DNAH11: variants seen among roughly 807,000 people sequenced by gnomAD.
DNAH11 encodes axonemal beta dynein heavy chain 11.
DNAH11 carries 442 observed loss-of-function variants against 526.0 expected under a neutral mutation model. That is an observed-to-expected ratio of 0.84 (90% confidence interval 0.78 to 0.91). The LOEUF is 0.91. Among genes scored for constraint, DNAH11 ranks in the 40% least tolerant of loss-of-function variants. The probability of loss-of-function intolerance (pLI) is 0.00; values close to 1 mark genes in which losing one functional copy is unlikely to be tolerated. For missense variants in DNAH11, 6,989 were observed against 5,448.7 expected, an observed-to-expected ratio of 1.28 and a Z score of -8.90; for synonymous variants, 2,461 against 1,935.9, an observed-to-expected ratio of 1.27 and a Z score of -7.12.
intron 46 of DNAH11, among the ~76,000 whole-genome samples, chr7:21,738,452 T>C (rs1479650336): frequency 6.6e-6 from 1 of 152,192 alleles, no homozygotes; most frequent in Non-Finnish European, 1.5e-5. Flanking sequence ...GATGTCATGC[T>C]GCACGTGCTG....
At chr7:21,732,858 A>G (rs912249873) in intron 45 of DNAH11, among the ~76,000 whole-genome samples, 1 of 152,230 alleles carries the variant, frequency 6.6e-6, no homozygotes, top group African/African-American at 2.4e-5. Flanking sequence ...CTTTTTGTTA[A>G]GAGTGAGGAA....
rs563674469 is a variant in DNAH11, at chr7:21,734,942, C to T, written c.7441-698C>T. On this transcript the variant is annotated intron_variant, in intron 45 of 81. Coordinates refer to ENST00000409508, the MANE Select transcript of DNAH11 (RefSeq NM_001277115.2). ...ATCCCAGCACTTTGGGAGCCCGAGG[C>T]GGGTGGATCACAAGGTCAGGAGATC... Among the ~76,000 whole-genome samples, 131 of 152,046 alleles carry T rather than the reference C, an allele frequency of 8.6e-4. 1 individual carries two copies. The highest frequency in any genetic ancestry group is 1.7e-3 in the South Asian group (8 of 4,812).
At position 21,571,794 on chromosome 7, in the gene DNAH11, T is replaced by A; in HGVS notation, c.1426-12T>A. ...ATGTAGTGGAAAGGTCTTTACTGTG[T>A]TTTTTACAAAGGATATATTTGCCAC... On this transcript the variant is annotated splice_polypyrimidine_tract_variant and intron_variant, in intron 7 of 81. Transcript: ENST00000409508. 1 of 1,599,888 alleles carries A rather than the reference T, an allele frequency of 6.3e-7. No individual in the cohort carries two copies. The highest frequency in any genetic ancestry group is 8.5e-7 in the Non-Finnish European group (1 of 1,174,664).
intron 35 of DNAH11, among the ~76,000 whole-genome samples, chr7:21,693,267 TG>T (rs1310844216): frequency 6.6e-6 from 1 of 152,236 alleles, no homozygotes; most frequent in Non-Finnish European, 1.5e-5. Context: ...TGAACTATAT[TG>T]ATTGATTTTC....
At chr7:21,771,307 G>T (rs2127977552) in intron 55 of DNAH11, among the ~76,000 whole-genome samples, 1 of 152,210 alleles carries the variant, frequency 6.6e-6, no homozygotes, top group African/African-American at 2.4e-5. Flanking sequence ...ATCCTAAACT[G>T]ATTTAGTGCT....
chr7:21,883,000 C>T (rs1207664605), intron 75 of DNAH11, among the ~76,000 whole-genome samples: 2 of 152,126 alleles, frequency 1.3e-5, no homozygotes, highest in Admixed American at 6.6e-5. Flanking sequence ...TGTTTTCCAT[C>T]CATTTCAGCT....
intron 25 of DNAH11, among the ~76,000 whole-genome samples, chr7:21,633,689 C>G (rs1328647927): frequency 6.6e-6 from 1 of 152,092 alleles, no homozygotes; most frequent in Non-Finnish European, 1.5e-5. Context: ...AGTAGGGAGA[C>G]AAGCAAAAGG....
rs761919869 is a variant in DNAH11 at position 21,687,449 on chromosome 7, G to A, written c.5846G>A (p.Arg1949Gln). 7 of 1,613,904 alleles carry A rather than the reference G, an allele frequency of 4.3e-6. No individual in the cohort carries two copies. Among genetic ancestry groups the A allele is most frequent in the East Asian group, 4.5e-5 (2 of 44,874 alleles). Residue 1949 changes from arginine to glutamine, a missense_variant, in exon 34 of 82, where the codon CGA (arginine) becomes CAA (glutamine). Transcript: ENST00000409508. Reference sequence around the variant, plus strand: ...TGGGGCTGCTTTGATGAGTTCAACCGAATCTCTGTGGAAGTTCTGTCAGTG... The same window carrying A: ...TGGGGCTGCTTTGATGAGTTCAACCAAATCTCTGTGGAAGTTCTGTCAGTG... ...GAWGCFDEFN[R>Q]ISVEVLSVVA...
chr7:21,688,383 T>G (rs1274279014), intron 34 of DNAH11, among the ~76,000 whole-genome samples: 1 of 152,200 alleles, frequency 6.6e-6, no homozygotes, highest in Non-Finnish European at 1.5e-5. Flanking sequence ...GTTTTATTGT[T>G]ATTATTTCCT....
At chr7:21,543,963 C>T (rs1287979057) in intron 1 of DNAH11, among the ~76,000 whole-genome samples, 1 of 152,140 alleles carries the variant, frequency 6.6e-6, no homozygotes, top group Admixed American at 6.5e-5. Flanking sequence ...TCTGGAGTCA[C>T]ATCCTTTAAA....
At chr7:21,588,409 A>T in intron 10 of DNAH11, 103 bp from the exon 11 acceptor site, 1 of 1,443,974 alleles carries the variant, frequency 6.9e-7, no homozygotes, top group Non-Finnish European at 9.5e-7. Context: ...CATATGTTTT[A>T]TACTACTGTA....
intron 20 of DNAH11, among the ~76,000 whole-genome samples, chr7:21,610,457 G>A (rs1785476090): frequency 6.6e-6 from 1 of 152,112 alleles, no homozygotes; most frequent in Non-Finnish European, 1.5e-5. Flanking sequence ...CTCTCATTCA[G>A]TCTCTTTAGG....
intron 30 of DNAH11, among the ~76,000 whole-genome samples, chr7:21,663,272 G>C (rs879472088): frequency 3.3e-5 from 5 of 152,080 alleles, no homozygotes; most frequent in Non-Finnish European, 7.4e-5. Flanking sequence ...TGTGAATAGT[G>C]TTGCAATAAA....
chr7:21,897,725 C>G (rs183489364), intron 79 of DNAH11, among the ~76,000 whole-genome samples: 27 of 152,308 alleles, frequency 1.8e-4, no homozygotes, highest in South Asian at 8.3e-4. Flanking sequence ...AACCGATTCT[C>G]CTGCCTTCAG....
At chr7:21,814,858 T>C (rs1359019330) in intron 63 of DNAH11, among the ~76,000 whole-genome samples, 1 of 152,152 alleles carries the variant, frequency 6.6e-6, no homozygotes, top group Non-Finnish European at 1.5e-5. Context: ...GCCTGTATTA[T>C]AACTATCAAA....
chr7:21,633,574 CAT>C (rs1353540627), intron 25 of DNAH11, among the ~76,000 whole-genome samples: 1 of 152,114 alleles, frequency 6.6e-6, no homozygotes, highest in Non-Finnish European at 1.5e-5. Context: ...TAATACTCAA[CAT>C]ATGTTTATTT....
intron 61 of DNAH11, among the ~76,000 whole-genome samples, chr7:21,796,917 A>T (rs1049133339): frequency 1.1e-4 from 17 of 152,258 alleles, no homozygotes; most frequent in South Asian, 1.0e-3. Context: ...TTTTTTTTAC[A>T]AACAATGATT....
intron 65 of DNAH11, among the ~76,000 whole-genome samples, chr7:21,819,686 T>C (rs1034334377): frequency 2.6e-5 from 4 of 152,174 alleles, no homozygotes; most frequent in African/African-American, 7.2e-5. Context: ...TCTTATTACA[T>C]ATATAGTTGG....
chr7:21,874,620 GGT>G (rs570685676), intron 74 of DNAH11, among the ~76,000 whole-genome samples: 98 of 152,096 alleles, frequency 6.4e-4, no homozygotes, highest in African/African-American at 2.3e-3. Flanking sequence ...TGGAATTACA[GGT>G]GTGAGCCACT....
Sources: allele counts gnomAD v4.1 joint callset (sites outside exome capture counted in the v4.1 genomes callset), GRCh38; gene constraint gnomAD v4.1.1; transcripts MANE v1.5; gene names NCBI Gene and HGNC (gene_info 2026-07-23, HGNC 2026-07-21).